Variants in SLC16A7 observed in about 807,000 individuals in gnomAD.
SLC16A7 encodes the protein monocarboxylate transporter 2.
SLC16A7 carries 33 observed loss-of-function variants against 34.9 expected under a neutral mutation model. The observed-to-expected ratio is 0.94, with a 90% CI of 0.72 to 1.26. The LOEUF (loss-of-function observed/expected upper bound fraction) is 1.26. SLC16A7 is among the 50% of genes most tolerant of loss of function. The pLI, the probability that SLC16A7 is intolerant of heterozygous loss-of-function variation, is 0.00. For synonymous variants in SLC16A7, 201 were observed against 206.6 expected (o/e 0.97, Z 0.23); for missense variants, 573 against 578.1 (o/e 0.99, Z 0.09).
At chr12:59,725,708 G>A (rs1262588101) in intron 3 of SLC16A7, among the ~76,000 whole-genome samples, 1 of 151,970 alleles carries the variant, frequency 6.6e-6, no homozygotes, top group East Asian at 1.9e-4. Flanking sequence ...TTTTCAATAT[G>A]TTTGAGCCTT....
At chr12:59,689,447 A>G (rs1871394814) in intron 2 of SLC16A7, 1 of 152,022 alleles carries the variant, frequency 6.6e-6, no homozygotes, top group South Asian at 2.1e-4. Context: ...ATGGAAGACC[A>G]TGTTTCTAAA....
At position 59,720,077 on chromosome 12, in the gene SLC16A7, A is replaced by T. The variant is rs1795892; in HGVS notation, c.217+15059A>T. 1.3e-5 allele frequency: 9 copies of T among 699,530 alleles called. No individual in the cohort carries two copies. The African/African-American group carries it at 1.6e-4, about 12-fold the overall frequency. 43.3% of individuals were successfully genotyped at this position (699,530 alleles called of 1,614,324 possible). On this transcript the variant is annotated intron_variant, in intron 3 of 5. Coordinates refer to ENST00000547379, the MANE Select transcript of SLC16A7 (RefSeq NM_001270623.2). ...CTATACCTTTCTTTTCTAATTCTTCAGGTTGGTATCATATGCAATAGCTGT... is the reference window on the plus strand; with the variant it reads ...CTATACCTTTCTTTTCTAATTCTTCTGGTTGGTATCATATGCAATAGCTGT...
Position 59,710,683 on chromosome 12 carries a change from C to T in SLC16A7, c.217+5665C>T, listed in dbSNP as rs148571601. On this transcript the variant is annotated intron_variant, in intron 3 of 5. Transcript: ENST00000547379. ...AAAGAACCTATTTATTAATTTATGA[C>T]CTGACAAGAATAAGACTATCTTTCC... 1.4e-3 allele frequency among the ~76,000 whole-genome samples: 214 copies of T among 152,200 alleles called. 1 individual carries two copies. The highest frequency in any genetic ancestry group is 6.8e-3 in the Middle Eastern group (2 of 294).
At chr12:59,719,093 A>G (rs1437683989) in intron 3 of SLC16A7, among the ~76,000 whole-genome samples, 1 of 152,188 alleles carries the variant, frequency 6.6e-6, no homozygotes, top group Admixed American at 6.6e-5. Flanking sequence ...ATAGCTGTGT[A>G]TTGTGTTCAA....
chr12:59,785,991 C>T lies in SLC16A7; in HGVS notation c.*6312C>T, dbSNP rs1232113481. The T allele has an allele frequency of 7.3e-6, 1 of 137,198 alleles. No individual in the cohort carries two copies. The highest frequency in any genetic ancestry group is 1.5e-5 in the Non-Finnish European group (1 of 66,158). The allele number at this position is 137,198 out of a possible 1,614,324, so 8.5% of individuals were successfully genotyped here. ...ATAGGTGGGAACTGAACAATGAGAA[C>T]ACATGGACACAGGAAGGGGAACATC... On this transcript the variant is annotated 3_prime_UTR_variant, in exon 6 of 6. Transcript: ENST00000547379.
At chr12:59,706,770 T>C in intron 3 of SLC16A7, among the ~76,000 whole-genome samples, 1 of 152,166 alleles carries the variant, frequency 6.6e-6, no homozygotes, top group East Asian at 1.9e-4. Flanking sequence ...TAGAGGGTTT[T>C]CTTGCCTCTT....
intron 1 of SLC16A7, among the ~76,000 whole-genome samples, chr12:59,607,174 A>T (rs924371879): frequency 6.6e-6 from 1 of 152,168 alleles, no homozygotes; most frequent in Non-Finnish European, 1.5e-5. Context: ...AAATTATTAA[A>T]TCCTGCTCTA....
At chr12:59,689,186 A>T (rs1871372932) in intron 2 of SLC16A7, among the ~76,000 whole-genome samples, 1 of 152,068 alleles carries the variant, frequency 6.6e-6, no homozygotes, top group Non-Finnish European at 1.5e-5. Context: ...TTATCAAGTG[A>T]ATGACAGTAA....
chr12:59,733,375 G>C (rs1877184373), intron 3 of SLC16A7, among the ~76,000 whole-genome samples: 1 of 152,158 alleles, frequency 6.6e-6, no homozygotes, highest in African/African-American at 2.4e-5. Context: ...GCTGCAGCAG[G>C]GTGGGCAGCT....
At position 59,789,601 on chromosome 12, in the gene SLC16A7, G is replaced by C. The variant is rs924558251; in HGVS notation, c.*9922G>C. On this transcript the variant is annotated 3_prime_UTR_variant, in exon 6 of 6. Transcript: ENST00000547379. ...TTATTGTTTTTGGACAGAAAGTTTG[G>C]TGGGAAGGTTGCAATAAAATCAGAA... 1 of 152,002 alleles carries C rather than the reference G, an allele frequency of 6.6e-6. No homozygotes were observed. Among genetic ancestry groups the C allele is most frequent in the Non-Finnish European group, 1.5e-5 (1 of 67,968 alleles). The allele number at this position is 152,002 out of a possible 1,614,324, so 9.4% of individuals were successfully genotyped here. A position where few individuals can be genotyped will look rare whatever the true frequency, so the allele number is the denominator to read the frequency against.
At chr12:59,721,662 C>T in intron 3 of SLC16A7, among the ~76,000 whole-genome samples, 1 of 151,718 alleles carries the variant, frequency 6.6e-6, no homozygotes, top group Admixed American at 6.6e-5. Context: ...TTTTTGCCCC[C>T]ACTCCAATCA....
chr12:59,627,906 A>G (rs932736961), intron 1 of SLC16A7, among the ~76,000 whole-genome samples: 15 of 150,202 alleles, frequency 1.0e-4, no homozygotes, highest in Admixed American at 9.3e-4. Flanking sequence ...ATATATATAT[A>G]TATTTTATTC....
At chr12:59,768,149 G>T in intron 3 of SLC16A7, 1 of 445,560 alleles carries the variant, frequency 2.2e-6, no homozygotes, top group Non-Finnish European at 4.5e-6. Context: ...TGACTCCTCT[G>T]ATGAATCTGG....
chr12:59,745,716 A>G (rs1878822343), intron 3 of SLC16A7, among the ~76,000 whole-genome samples: 2 of 152,228 alleles, frequency 1.3e-5, no homozygotes, highest in Admixed American at 1.3e-4. Flanking sequence ...TAGAGGTTAT[A>G]TTTAAGATTA....
intron 2 of SLC16A7, among the ~76,000 whole-genome samples, chr12:59,668,144 G>A (rs1869363028): frequency 6.6e-6 from 1 of 152,222 alleles, no homozygotes; most frequent in Admixed American, 6.5e-5. Context: ...AGTGCAGCAG[G>A]GAAATGTGGG....
At chr12:59,609,820 A>T (rs1455182114) in intron 1 of SLC16A7, among the ~76,000 whole-genome samples, 1 of 151,750 alleles carries the variant, frequency 6.6e-6, no homozygotes, top group Admixed American at 6.6e-5. Context: ...ATTTTTTGGT[A>T]CTCTCTTGGT....
At chr12:59,751,894 T>C (rs1032127638) in intron 3 of SLC16A7, among the ~76,000 whole-genome samples, 2 of 152,060 alleles carry the variant, frequency 1.3e-5, no homozygotes, top group African/African-American at 4.8e-5. Flanking sequence ...GGCCGGGTAC[T>C]CCTCTTAGAC....
chr12:59,664,068 G>A (rs1286194823), intron 2 of SLC16A7, among the ~76,000 whole-genome samples: 1 of 152,070 alleles, frequency 6.6e-6, no homozygotes, highest in Non-Finnish European at 1.5e-5. Flanking sequence ...ACAATCTAGA[G>A]TTGGAATCCA....
At chr12:59,708,541 A>C (rs1873850082) in intron 3 of SLC16A7, among the ~76,000 whole-genome samples, 1 of 152,188 alleles carries the variant, frequency 6.6e-6, no homozygotes, top group East Asian at 1.9e-4. Context: ...GACATAGTTT[A>C]CTGTGAAGTA....
Sources: gnomAD v4.1 joint callset for allele counts (sites outside exome capture counted in the v4.1 genomes callset) on GRCh38, gnomAD v4.1.1 for gene constraint, MANE v1.5 for transcripts, NCBI Gene and HGNC (gene_info 2026-07-23, HGNC 2026-07-21) for gene names.